CYP27A1: variants seen among roughly 807,000 people sequenced by gnomAD.
CYP27A1 encodes sterol 26-hydroxylase, mitochondrial.
CYP27A1 carries 46 observed loss-of-function variants against 58.2 expected under a neutral mutation model. The ratio of observed to expected loss-of-function variants is 0.79; its 90% CI spans 0.62 to 1.01. CYP27A1 has a LOEUF of 1.01. CYP27A1 is among the 50% of genes least tolerant of loss of function. The pLI, the probability that CYP27A1 is intolerant of heterozygous loss-of-function variation, is 0.00. For synonymous variants in CYP27A1, 274 were observed against 285.1 expected, an observed-to-expected ratio of 0.96 and a Z score of 0.39; for missense variants, 704 against 687.0, an observed-to-expected ratio of 1.02 and a Z score of -0.28.
intron 1 of CYP27A1, among the ~76,000 whole-genome samples, chr2:218,800,583 T>G (rs985159824): frequency 2.0e-5 from 3 of 152,124 alleles, no homozygotes; most frequent in South Asian, 2.1e-4. Context: ...CATTTAGAAT[T>G]GAAATAACTT....
rs1559391311 is a variant in CYP27A1 at position 218,809,440 on chromosome 2, C to CGTA, written c.256-137_256-136insGTA. The CGTA allele has an allele frequency of 3.1e-4, 202 of 661,922 alleles. 13 individuals are homozygous for CGTA. The African/African-American group carries it at 5.7e-3, about 19-fold the overall frequency. 41.0% of individuals were successfully genotyped at this position (661,922 alleles called of 1,614,324 possible). On this transcript the variant is annotated intron_variant, in intron 1 of 8. Transcript: ENST00000258415. ...CCTGGTGCCTACATCATACACAATG[C>CGTA]CCTTTTTTTTTTTTTTTTTTTTTTG...
chr2:218,812,764 A>T lies in CYP27A1; in HGVS notation c.844+15A>T. On this transcript the variant is annotated intron_variant, in intron 4 of 8. Transcript: ENST00000258415. The stretch of plus-strand genomic sequence containing the variant: ...CTTTTCCTTTGGTGAGGACTCCCAG[A>T]TGGGGCCCAGGGAAGAGAGATGGGG... The T allele has an allele frequency of 6.2e-7, 1 of 1,614,008 alleles. No individual in the cohort carries two copies. Among genetic ancestry groups the T allele is most frequent in the East Asian group, 2.2e-5 (1 of 44,876 alleles).
chr2:218,795,413 G>A (rs993974767), intron 1 of CYP27A1, among the ~76,000 whole-genome samples: 1 of 152,210 alleles, frequency 6.6e-6, no homozygotes, highest in Admixed American at 6.5e-5. Context: ...AGAAAGGGAT[G>A]TCTTGTGACA....
Position 218,815,225 on chromosome 2 carries a change from G to A in CYP27A1, c.*195G>A, listed in dbSNP as rs886055632. 8.0e-6 allele frequency: 5 copies of A among 625,076 alleles called. No homozygotes were observed. The highest frequency in any genetic ancestry group is 1.8e-5 in the African/African-American group (1 of 54,702). 38.7% of individuals were successfully genotyped at this position (625,076 alleles called of 1,614,324 possible). Reference sequence around the variant, plus strand: ...TGAGCAACTCCCTCTCAGCTAAAAGGCCACCCCTTTATCGCATTGCTGTCC... The same window carrying A: ...TGAGCAACTCCCTCTCAGCTAAAAGACCACCCCTTTATCGCATTGCTGTCC... On this transcript the variant is annotated 3_prime_UTR_variant, in exon 9 of 9. Transcript: ENST00000258415.
At chr2:218,807,446 C>T (rs1052966047) in intron 1 of CYP27A1, among the ~76,000 whole-genome samples, 4 of 152,244 alleles carry the variant, frequency 2.6e-5, no homozygotes, top group Non-Finnish European at 5.9e-5. Flanking sequence ...ACTATCTGGT[C>T]AATGTCAGGT....
In CYP27A1 at chr2:218,809,749, C is replaced by G; in HGVS notation, c.428C>G (p.Thr143Ser). ...GAGCACCGGGACCAGCACGACCTGA[C>G]CTATGGGCCGTTCACCACGTGAGCT... ...WKEHRDQHDLTYGPFTTEGHH... is the reference protein window; with the variant it reads ...WKEHRDQHDLSYGPFTTEGHH... The change falls in exon 2 of 9, where the codon ACC becomes AGC. Residue 143 changes from threonine (T) to serine (S), a missense_variant. Physicochemically the swap from Thr to Ser is moderately conservative, Grantham distance 58 (BLOSUM62 1). Coordinates refer to ENST00000258415, the MANE Select transcript of CYP27A1 (RefSeq NM_000784.4). 1 of 1,613,438 alleles carries G rather than the reference C, an allele frequency of 6.2e-7. No homozygotes were observed. Among genetic ancestry groups the G allele is most frequent in the South Asian group, 1.1e-5 (1 of 91,052 alleles).
At chr2:218,794,101 T>C (rs1439388966) in intron 1 of CYP27A1, among the ~76,000 whole-genome samples, 1 of 152,126 alleles carries the variant, frequency 6.6e-6, no homozygotes, top group Non-Finnish European at 1.5e-5. Flanking sequence ...ATCTCACAGA[T>C]TGAATCCCCA....
At chr2:218,808,583 T>C (rs1354953643) in intron 1 of CYP27A1, among the ~76,000 whole-genome samples, 2 of 152,192 alleles carry the variant, frequency 1.3e-5, no homozygotes, top group Admixed American at 6.5e-5. Context: ...AATGTCTCTT[T>C]TATAGAAGGT....
At position 218,784,136 on chromosome 2, in the gene CYP27A1, G is replaced by A. The variant is rs146450441; in HGVS notation, c.255+1699G>A. Among the ~76,000 whole-genome samples the A allele has an allele frequency of 2.0e-4, 31 of 152,218 alleles. No homozygotes were observed. The East Asian group carries it at 4.4e-3, about 22-fold the overall frequency. On this transcript the variant is annotated intron_variant, in intron 1 of 8. Coordinates refer to ENST00000258415, the MANE Select transcript of CYP27A1 (RefSeq NM_000784.4). Reference sequence around the variant, plus strand: ...GGGAGAAGATGACTCTGAGGGCAACGAAGGGCAAAACTGACTACAACCAGG... The same window carrying A: ...GGGAGAAGATGACTCTGAGGGCAACAAAGGGCAAAACTGACTACAACCAGG...
chr2:218,786,272 CCT>C lies in CYP27A1; in HGVS notation c.255+3838_255+3839del, dbSNP rs562041687. On this transcript the variant is annotated intron_variant, in intron 1 of 8. Coordinates refer to ENST00000258415, the MANE Select transcript of CYP27A1 (RefSeq NM_000784.4). ...AGATAGACATACCCTAATTAGCTTA[CCT>C]CTGTGGAGGTTCACCCTCAAGCTGG... 6.7e-3 allele frequency among the ~76,000 whole-genome samples: 1,025 copies of C among 152,292 alleles called. 13 individuals are homozygous for C. Among genetic ancestry groups the C allele is most frequent in the African/African-American group, 0.023 (947 of 41,544 alleles).
At chr2:218,810,873 T>A (rs558798185) in intron 2 of CYP27A1, among the ~76,000 whole-genome samples, 1 of 152,018 alleles carries the variant, frequency 6.6e-6, no homozygotes. Flanking sequence ...TTTGACTGGG[T>A]GCGGTGGCTC....
intron 1 of CYP27A1, among the ~76,000 whole-genome samples, chr2:218,799,723 G>GAA (rs1416977719): frequency 6.6e-6 from 1 of 150,502 alleles, no homozygotes; most frequent in Non-Finnish European, 1.5e-5. Context: ...TTTTTCTGGA[G>GAA]AATCCTTATT....
intron 1 of CYP27A1, among the ~76,000 whole-genome samples, chr2:218,805,581 A>T (rs1033594273): frequency 7.9e-6 from 1 of 126,664 alleles, no homozygotes; most frequent in Non-Finnish European, 1.7e-5. Context: ...ATGGTCTTTT[A>T]TGCTGTGCTT....
At chr2:218,805,737 T>A (rs1169172953) in intron 1 of CYP27A1, among the ~76,000 whole-genome samples, 2 of 152,188 alleles carry the variant, frequency 1.3e-5, no homozygotes, top group Non-Finnish European at 1.5e-5. Context: ...GCAAAGTGGC[T>A]CTTAGACAGG....
chr2:218,811,243 C>A (rs1268561378), intron 2 of CYP27A1, among the ~76,000 whole-genome samples: 2 of 152,190 alleles, frequency 1.3e-5, no homozygotes, highest in Admixed American at 6.5e-5. Context: ...GCCCTTCCAC[C>A]CCTATTGCAT....
intron 1 of CYP27A1, among the ~76,000 whole-genome samples, chr2:218,802,291 C>T (rs1943607669): frequency 6.7e-6 from 1 of 149,772 alleles, no homozygotes; most frequent in South Asian, 2.1e-4. Flanking sequence ...GTGCACCCTC[C>T]ATAGAAGTAA....
chr2:218,812,220 A>T lies in CYP27A1; in HGVS notation c.447-2A>T. On this transcript the variant is annotated splice_acceptor_variant, in intron 2 of 8. Coordinates refer to ENST00000258415, the MANE Select transcript of CYP27A1 (RefSeq NM_000784.4). LOFTEE classifies it high-confidence loss of function. ...TTGTGCTGTTCCTCTGCGTCCCTGCAGGGAAGGACACCACTGGTACCAGCT... is the reference window on the plus strand; with the variant it reads ...TTGTGCTGTTCCTCTGCGTCCCTGCTGGGAAGGACACCACTGGTACCAGCT... 6.2e-7 allele frequency: 1 copy of T among 1,613,350 alleles called. No individual in the cohort carries two copies. Among genetic ancestry groups the T allele is most frequent in the Non-Finnish European group, 8.5e-7 (1 of 1,179,394 alleles).
At chr2:218,802,144 G>A (rs917218047) in intron 1 of CYP27A1, among the ~76,000 whole-genome samples, 1 of 151,864 alleles carries the variant, frequency 6.6e-6, no homozygotes, top group African/African-American at 2.4e-5. Flanking sequence ...AAGAACAATC[G>A]GAATTAGTTT....
intron 1 of CYP27A1, among the ~76,000 whole-genome samples, chr2:218,803,375 G>A (rs763037721): frequency 1.6e-4 from 25 of 152,040 alleles, no homozygotes; most frequent in Non-Finnish European, 2.6e-4. Flanking sequence ...ATTTTCTCTC[G>A]TTCTATAAGC....
Sources: gnomAD v4.1 joint callset for allele counts (sites outside exome capture counted in the v4.1 genomes callset) on GRCh38, gnomAD v4.1.1 for gene constraint, MANE v1.5 for transcripts, NCBI Gene and HGNC (gene_info 2026-07-23, HGNC 2026-07-21) for gene names.